The following NRIP1 variants were observed in gnomAD, a reference collection of about 807,000 sequenced individuals.
NRIP1 encodes the protein nuclear receptor-interacting protein 1.
In NRIP1, 28 loss-of-function variants were observed where a neutral mutation model predicts 75.0. The ratio of observed to expected loss-of-function variants is 0.37; its 90% CI spans 0.28 to 0.51. NRIP1 has a LOEUF of 0.51. Among genes scored for constraint, NRIP1 ranks in the 20% least tolerant of loss-of-function variants. The pLI is 0.92. For missense variants in NRIP1, 1,435 were observed against 1,343.7 expected, an observed-to-expected ratio of 1.07 and a Z score of -1.06; for synonymous variants, 526 against 487.6, an observed-to-expected ratio of 1.08 and a Z score of -1.04.
chr21:14,988,371 A>G (rs755527732), intron 3 of NRIP1, among the ~76,000 whole-genome samples: 12 of 152,106 alleles, frequency 7.9e-5, no homozygotes, highest in Non-Finnish European at 1.3e-4. Context: ...TTTTTGACTT[A>G]CTAGTCACCC....
intron 2 of NRIP1, among the ~76,000 whole-genome samples, chr21:15,029,863 T>C (rs1454208213): frequency 6.6e-6 from 1 of 152,144 alleles, no homozygotes; most frequent in Non-Finnish European, 1.5e-5. Context: ...ATGTCTGTAC[T>C]TTGTGATCTC....
At chr21:14,969,250 T>C (rs747129783) in intron 3 of NRIP1, among the ~76,000 whole-genome samples, 3 of 152,190 alleles carry the variant, frequency 2.0e-5, no homozygotes, top group Non-Finnish European at 4.4e-5. Flanking sequence ...TAGATGCTTG[T>C]TCAGGGCTAT....
At chr21:14,998,776 T>G (rs540527261) in intron 3 of NRIP1, among the ~76,000 whole-genome samples, 8 of 152,316 alleles carry the variant, frequency 5.3e-5, no homozygotes, top group African/African-American at 1.9e-4. Context: ...CTAGCTAACT[T>G]TATCATAAGA....
intron 3 of NRIP1, among the ~76,000 whole-genome samples, chr21:14,985,698 TG>T (rs2087380080): frequency 6.6e-6 from 1 of 152,218 alleles, no homozygotes; most frequent in African/African-American, 2.4e-5. Context: ...TTTTAGTTGC[TG>T]TTTCCCATGT....
intron 1 of NRIP1, among the ~76,000 whole-genome samples, chr21:15,048,782 G>C (rs2089141574): frequency 6.6e-6 from 1 of 152,064 alleles, no homozygotes; most frequent in South Asian, 2.1e-4. Context: ...AACTATTCTG[G>C]GCTGAAGTCA....
At chr21:15,007,736 G>A (rs534277459) in intron 3 of NRIP1, among the ~76,000 whole-genome samples, 2 of 152,240 alleles carry the variant, frequency 1.3e-5, no homozygotes, top group East Asian at 3.9e-4. Context: ...TTGGAGCTAA[G>A]AGTTCTATCC....
rs1369766344 is a variant in NRIP1 at position 14,962,829 on chromosome 21, A to G, written c.*1887T>C. On this transcript the variant is annotated 3_prime_UTR_variant, in exon 4 of 4. Transcript: ENST00000318948. Reference sequence around the variant, plus strand: ...TTAGGGTTTTAGATCATATTAGGAAATCACACCTATTTTTAATATAAAAAT... The same window carrying G: ...TTAGGGTTTTAGATCATATTAGGAAGTCACACCTATTTTTAATATAAAAAT... The G allele has an allele frequency of 6.6e-6, 1 of 152,472 alleles. No homozygotes were observed. Among genetic ancestry groups the G allele is most frequent in the African/African-American group, 2.4e-5 (1 of 41,430 alleles). The allele number at this position is 152,472 out of a possible 1,614,324, so 9.4% of individuals were successfully genotyped here. A position where few individuals can be genotyped will look rare whatever the true frequency, so the allele number is the denominator to read the frequency against.
At chr21:15,034,011 C>T (rs1033545782) in intron 2 of NRIP1, among the ~76,000 whole-genome samples, 6 of 152,158 alleles carry the variant, frequency 3.9e-5, no homozygotes, top group African/African-American at 1.4e-4. Context: ...CCACTAGACT[C>T]TTTAAATAAA....
In NRIP1 at chr21:14,966,380, T is replaced by C. The variant is rs1175991833; in HGVS notation, c.1813A>G (p.Ser605Gly). The C allele has an allele frequency of 1.2e-6, 2 of 1,613,946 alleles. No individual in the cohort carries two copies. The highest frequency in any genetic ancestry group is 1.7e-6 in the Non-Finnish European group (2 of 1,179,984). Residue 605 changes from serine to glycine, a missense_variant, in exon 4 of 4, where the codon AGC becomes GGC. Coordinates refer to ENST00000318948, the MANE Select transcript of NRIP1 (RefSeq NM_003489.4). ...GGTTTCTCTCCTGGTGGGTCTTTGC[T>C]TTTTGTAAGGTCCATTGAGTGGTTA... ...ASNHSMDLTK[S>G]KDPPGEKPAQ...
intron 3 of NRIP1, among the ~76,000 whole-genome samples, chr21:14,999,677 T>G (rs1248224547): frequency 6.6e-6 from 1 of 152,174 alleles, no homozygotes; most frequent in Non-Finnish European, 1.5e-5. Context: ...AAACGAACTC[T>G]TTATAATAAT....
At chr21:14,980,593 T>C (rs2147010011) in intron 3 of NRIP1, among the ~76,000 whole-genome samples, 1 of 131,078 alleles carries the variant, frequency 7.6e-6, no homozygotes, top group South Asian at 2.1e-4. Context: ...TAAGTTACAT[T>C]TATGAAACCA....
chr21:15,039,367 TCC>T (rs1202311675), intron 2 of NRIP1, among the ~76,000 whole-genome samples: 3 of 152,114 alleles, frequency 2.0e-5, no homozygotes, highest in African/African-American at 7.2e-5. Flanking sequence ...AAAGGGCTAT[TCC>T]CTCCACAATA....
chr21:15,013,434 C>A (rs1392739291), intron 3 of NRIP1, among the ~76,000 whole-genome samples: 1 of 152,166 alleles, frequency 6.6e-6, no homozygotes, highest in Non-Finnish European at 1.5e-5. Context: ...TTTTGAAACA[C>A]TGTGGTCAGG....
intron 3 of NRIP1, among the ~76,000 whole-genome samples, chr21:15,005,982 C>G (rs928423308): frequency 5.9e-5 from 9 of 151,852 alleles, no homozygotes; most frequent in Non-Finnish European, 1.2e-4. Context: ...CAGGTTAAGA[C>G]TAAAAAATAT....
At chr21:14,968,796 A>G (rs1350534245) in intron 3 of NRIP1, among the ~76,000 whole-genome samples, 1 of 152,222 alleles carries the variant, frequency 6.6e-6, no homozygotes, top group Non-Finnish European at 1.5e-5. Context: ...TTACATAGCC[A>G]TCTTCCAAAG....
At chr21:14,975,688 G>A (rs2087044478) in intron 3 of NRIP1, among the ~76,000 whole-genome samples, 2 of 114,702 alleles carry the variant, frequency 1.7e-5, no homozygotes, top group Non-Finnish European at 3.1e-5. Context: ...AGAAAGGGAG[G>A]GGAGGGGAGG....
chr21:14,970,262 A>G (rs1216121223), intron 3 of NRIP1, among the ~76,000 whole-genome samples: 3 of 152,142 alleles, frequency 2.0e-5, no homozygotes, highest in Non-Finnish European at 4.4e-5. Context: ...AAAACTTAAT[A>G]TGGCCAGGTA....
chr21:14,966,537 G>C lies in NRIP1; in HGVS notation c.1656C>G (p.Ser552Arg). The C allele has an allele frequency of 6.2e-7, 1 of 1,614,066 alleles. No homozygotes were observed. Among genetic ancestry groups the C allele is most frequent in the African/African-American group, 1.3e-5 (1 of 75,022 alleles). The change falls in exon 4 of 4, where the codon AGC (serine) becomes AGG (arginine). Residue 552 changes from serine to arginine, a missense_variant. Transcript: ENST00000318948. The part of the protein sequence containing the change: ...SPSTNRTTPV[S>R]TPPLLTSSKA... The stretch of plus-strand genomic sequence containing the variant: ...TGCTTGATGTAAGTAAAGGTGGAGT[G>C]CTCACTGGAGTAGTCCGATTTGTAC...
At chr21:14,998,293 C>A (rs1186148779) in intron 3 of NRIP1, among the ~76,000 whole-genome samples, 1 of 152,190 alleles carries the variant, frequency 6.6e-6, no homozygotes. Context: ...ACCGCTGGGA[C>A]CTATCTGCAA....
Sources: allele counts gnomAD v4.1 joint callset (sites outside exome capture counted in the v4.1 genomes callset), GRCh38; gene constraint gnomAD v4.1.1; transcripts MANE v1.5; gene names NCBI Gene and HGNC (gene_info 2026-07-23, HGNC 2026-07-21).